Variants in ARHGAP10 observed in about 807,000 individuals in gnomAD.
ARHGAP10 encodes rho GTPase-activating protein 10.
In ARHGAP10, 87 loss-of-function variants were observed where a neutral mutation model predicts 108.6. The ratio of observed to expected loss-of-function variants is 0.80; its 90% CI spans 0.67 to 0.96. The LOEUF is 0.96. ARHGAP10 is among the 40% of genes least tolerant of loss of function. ARHGAP10 has a pLI of 0.00. For missense variants in ARHGAP10, 939 were observed against 954.5 expected (o/e 0.98, Z 0.21); for synonymous variants, 347 against 341.1 (o/e 1.02, Z -0.19).
intron 10 of ARHGAP10, among the ~76,000 whole-genome samples, chr4:147,883,368 T>A (rs1459664099): frequency 6.6e-6 from 1 of 152,150 alleles, no homozygotes; most frequent in East Asian, 1.9e-4. Context: ...GGCCTAAATT[T>A]CAAGCCAGTA....
At chr4:147,747,563 T>C (rs551621857) in intron 1 of ARHGAP10, among the ~76,000 whole-genome samples, 11 of 152,124 alleles carry the variant, frequency 7.2e-5, no homozygotes, top group Middle Eastern at 3.4e-3. Context: ...GGATGTGGAG[T>C]GTGGAGACCT....
chr4:147,782,417 G>A (rs1011553894), intron 1 of ARHGAP10, among the ~76,000 whole-genome samples: 1 of 152,158 alleles, frequency 6.6e-6, no homozygotes, highest in African/African-American at 2.4e-5. Context: ...GGGTTCTTCC[G>A]GTATGAGTCA....
intron 3 of ARHGAP10, among the ~76,000 whole-genome samples, chr4:147,825,834 C>CAT (rs373006543): frequency 1.3e-5 from 2 of 152,306 alleles, no homozygotes; most frequent in East Asian, 3.9e-4. Flanking sequence ...ACATTGAGCG[C>CAT]ATACCTATTG....
At chr4:147,998,604 C>T (rs1740569838) in intron 18 of ARHGAP10, among the ~76,000 whole-genome samples, 1 of 152,216 alleles carries the variant, frequency 6.6e-6, no homozygotes, top group Admixed American at 6.5e-5. Context: ...AGAATCAATA[C>T]TTTATAACAT....
At chr4:148,053,483 G>A (rs1252678060) in intron 20 of ARHGAP10, among the ~76,000 whole-genome samples, 5 of 152,164 alleles carry the variant, frequency 3.3e-5, no homozygotes, top group African/African-American at 1.2e-4. Context: ...GATGCGGGCG[G>A]GAGGGCCTTC....
chr4:148,043,789 TATATATATATGC>T (rs1380005140), intron 19 of ARHGAP10, among the ~76,000 whole-genome samples: 1 of 146,234 alleles, frequency 6.8e-6, no homozygotes, highest in Non-Finnish European at 1.5e-5. Context: ...TATATATATG[TATATATATATGC>T]ATTCATTCCA....
At chr4:148,066,177 G>A (rs2149692642) in intron 22 of ARHGAP10, among the ~76,000 whole-genome samples, 1 of 152,260 alleles carries the variant, frequency 6.6e-6, no homozygotes, top group African/African-American at 2.4e-5. Context: ...GACTACCACA[G>A]TTCCATGTAT....
chr4:147,873,924 A>G (rs1181640783), intron 7 of ARHGAP10, among the ~76,000 whole-genome samples: 1 of 151,618 alleles, frequency 6.6e-6, no homozygotes, highest in Non-Finnish European at 1.5e-5. Context: ...ATGGAAGGCG[A>G]GAGGGAACCT....
At chr4:148,033,646 A>G (rs1324542959) in intron 19 of ARHGAP10, among the ~76,000 whole-genome samples, 2 of 152,208 alleles carry the variant, frequency 1.3e-5, no homozygotes, top group Admixed American at 6.5e-5. Context: ...TTTAGTTTAC[A>G]AATGTTTCAG....
At chr4:147,845,845 C>A (rs1733608214) in intron 3 of ARHGAP10, among the ~76,000 whole-genome samples, 1 of 152,188 alleles carries the variant, frequency 6.6e-6, no homozygotes, top group South Asian at 2.1e-4. Flanking sequence ...TATCTGTACT[C>A]TCAAATGGAA....
chr4:147,883,037 T>G (rs547367361), intron 10 of ARHGAP10, among the ~76,000 whole-genome samples: 1 of 152,316 alleles, frequency 6.6e-6, no homozygotes, highest in African/African-American at 2.4e-5. Context: ...CTTCCTCTCT[T>G]AGATGATATA....
At chr4:148,041,183 A>G (rs775196633) in intron 19 of ARHGAP10, among the ~76,000 whole-genome samples, 9 of 152,032 alleles carry the variant, frequency 5.9e-5, no homozygotes, top group Non-Finnish European at 8.8e-5. Flanking sequence ...ACTCCTGCTA[A>G]TACATAAGCT....
chr4:148,023,066 C>T (rs1741629415), intron 18 of ARHGAP10, 197 bp from the exon 19 acceptor site: 3 of 496,210 alleles, frequency 6.0e-6, no homozygotes, highest in South Asian at 4.3e-5. Flanking sequence ...TAAATTTAAT[C>T]AGAGATTTTA....
chr4:147,752,257 A>G (rs1381978510), intron 1 of ARHGAP10, among the ~76,000 whole-genome samples: 1 of 152,172 alleles, frequency 6.6e-6, no homozygotes, highest in Admixed American at 6.5e-5. Context: ...TTGGGGTGTT[A>G]TCTTGTGTAA....
chr4:147,910,229 T>C (rs1332971855), intron 12 of ARHGAP10, among the ~76,000 whole-genome samples: 1 of 151,962 alleles, frequency 6.6e-6, no homozygotes, highest in African/African-American at 2.4e-5. Context: ...TGCTATGTTG[T>C]CCAGGCTGGT....
intron 3 of ARHGAP10, among the ~76,000 whole-genome samples, chr4:147,838,706 G>A (rs1733273457): frequency 6.6e-6 from 1 of 151,992 alleles, no homozygotes; most frequent in African/African-American, 2.4e-5. Context: ...TTAATTTTCT[G>A]TATTCTTTAT....
rs1239326579 is a variant in ARHGAP10 at position 147,848,057 on chromosome 4, G to A, written c.384+835G>A. 6.0e-5 allele frequency among the ~76,000 whole-genome samples: 9 copies of A among 149,084 alleles called. No homozygotes were observed. The East Asian group carries it at 1.8e-3, about 30-fold the overall frequency. ...GGTAGGGAAGGGAGTTTTTATATTT[G>A]TATTTTTTTCCCCCCACGTGGCTGG... On this transcript the variant is annotated intron_variant, in intron 4 of 22. Transcript: ENST00000336498.
chr4:147,999,473 C>T (rs1182383339), intron 18 of ARHGAP10, among the ~76,000 whole-genome samples: 1 of 152,244 alleles, frequency 6.6e-6, no homozygotes, highest in Non-Finnish European at 1.5e-5. Flanking sequence ...AGCCCCACCA[C>T]TGACTTCCAT....
At chr4:147,997,008 T>C (rs1740502324) in intron 18 of ARHGAP10, among the ~76,000 whole-genome samples, 1 of 152,180 alleles carries the variant, frequency 6.6e-6, no homozygotes, top group Admixed American at 6.5e-5. Flanking sequence ...TATTCTGTCA[T>C]AGCAGCCCCA....
Sources: allele counts gnomAD v4.1 joint callset (sites outside exome capture counted in the v4.1 genomes callset), GRCh38; gene constraint gnomAD v4.1.1; transcripts MANE v1.5; gene names NCBI Gene and HGNC (gene_info 2026-07-23, HGNC 2026-07-21).